The following SLC38A8 variants were observed in gnomAD, a reference collection of about 807,000 sequenced individuals.
SLC38A8 encodes solute carrier family 38 member 8.
SLC38A8 carries 65 observed loss-of-function variants against 46.0 expected under a neutral mutation model. That is an observed-to-expected ratio of 1.41 (90% CI 1.16 to 1.74). SLC38A8 has a LOEUF of 1.74. Ranked by LOEUF, SLC38A8 falls within the 40% of genes most tolerant of loss-of-function variation. The pLI is 0.00. For missense variants in SLC38A8, 998 were observed against 567.9 expected, an observed-to-expected ratio of 1.76 and a Z score of -7.70; for synonymous variants, 447 against 243.7, an observed-to-expected ratio of 1.83 and a Z score of -7.77.
At chr16:84,021,129 C>A (rs2085089874) in intron 7 of SLC38A8, among the ~76,000 whole-genome samples, 2 of 152,158 alleles carry the variant, frequency 1.3e-5, no homozygotes, top group Admixed American at 1.3e-4. Context: ...ATGGTGCGAT[C>A]TCAGCTCACT....
chr16:84,018,645 G>C (rs2085060019), intron 7 of SLC38A8, among the ~76,000 whole-genome samples: 1 of 152,130 alleles, frequency 6.6e-6, no homozygotes, highest in Non-Finnish European at 1.5e-5. Context: ...GCTGGACCTA[G>C]AAACTAAAAT....
chr16:84,014,235 C>G (rs775908158), intron 9 of SLC38A8, among the ~76,000 whole-genome samples: 15 of 151,456 alleles, frequency 9.9e-5, no homozygotes, highest in Non-Finnish European at 1.8e-4. Context: ...TCTGAAAGCT[C>G]CACCCTAAGC....
intron 10 of SLC38A8, among the ~76,000 whole-genome samples, chr16:84,011,048 C>G (rs923568882): frequency 6.6e-6 from 1 of 152,112 alleles, no homozygotes; most frequent in African/African-American, 2.4e-5. Context: ...TATTTGTGGC[C>G]CCATTAACAA....
intron 6 of SLC38A8, among the ~76,000 whole-genome samples, chr16:84,028,529 T>G (rs1053297716): frequency 1.2e-4 from 17 of 144,622 alleles, no homozygotes; most frequent in Admixed American, 4.2e-4. Context: ...TCCACTACAC[T>G]CCAGCCTGGG....
chr16:84,017,704 T>C (rs1414462268), intron 7 of SLC38A8, among the ~76,000 whole-genome samples: 1 of 152,174 alleles, frequency 6.6e-6, no homozygotes, highest in African/African-American at 2.4e-5. Context: ...CATCAACCAA[T>C]ACCTAGAATC....
intron 7 of SLC38A8, among the ~76,000 whole-genome samples, chr16:84,019,220 A>T (rs1456251806): frequency 1.3e-5 from 2 of 151,972 alleles, no homozygotes; most frequent in Non-Finnish European, 2.9e-5. Flanking sequence ...GATTACAGGC[A>T]CATGTCACCA....
At chr16:84,027,379 AC>A (rs1276435803) in intron 6 of SLC38A8, among the ~76,000 whole-genome samples, 52 of 150,602 alleles carry the variant, frequency 3.5e-4, no homozygotes, top group African/African-American at 1.1e-3. Flanking sequence ...AAACAAACAA[AC>A]AAACAAACAC....
At chr16:84,020,213 T>C (rs928645386) in intron 7 of SLC38A8, among the ~76,000 whole-genome samples, 2 of 150,590 alleles carry the variant, frequency 1.3e-5, no homozygotes, top group South Asian at 4.2e-4. Flanking sequence ...CAATCACAGC[T>C]CATTCCAGCC....
chr16:84,023,203 C>T (rs1287741547), intron 6 of SLC38A8, among the ~76,000 whole-genome samples: 2 of 152,056 alleles, frequency 1.3e-5, no homozygotes, highest in Non-Finnish European at 2.9e-5. Flanking sequence ...CCCCTTTCCC[C>T]TCTCTCCCTT....
rs1324658457 is a variant in SLC38A8 at position 84,017,221 on chromosome 16, T to C, written c.872A>G (p.Asn291Ser). The C allele has an allele frequency of 6.2e-6, 10 of 1,613,936 alleles. No homozygotes were observed. The South Asian group carries it at 6.6e-5, about 11-fold the overall frequency. ...CCGGGCCACAATGATGACCATATCA[T>C]TGCCTGGGTAGGACATCAAGACGTC... ...SADVLMSYPG[N>S]DMVIIVARVL... Residue 291 changes from asparagine to serine, a missense_variant, in exon 8 of 11, where the codon AAT becomes AGT. Coordinates refer to ENST00000299709, the MANE Select transcript of SLC38A8 (RefSeq NM_001080442.3).
chr16:84,022,882 T>C lies in SLC38A8; in HGVS notation c.698A>G (p.Glu233Gly), dbSNP rs2085112203. The change falls in exon 7 of 11, where the codon GAA (glutamate) becomes GGA (glycine). Residue 233 changes from glutamate (E) to glycine (G), a missense_variant. Glu to Gly is a moderately conservative substitution (Grantham distance 98). Coordinates refer to ENST00000299709, the MANE Select transcript of SLC38A8 (RefSeq NM_001080442.3). Reference sequence around the variant, plus strand: ...GCTGCAGTAGATGGAGACGGCAGCTTCGTGACACTGTAAGACAGAGGGCGG... The same window carrying C: ...GCTGCAGTAGATGGAGACGGCAGCTCCGTGACACTGTAAGACAGAGGGCGG... ...PTICFGFQCH[E>G]AAVSIYCSMR... The C allele has an allele frequency of 1.2e-6, 2 of 1,603,304 alleles. No individual in the cohort carries two copies. The highest frequency in any genetic ancestry group is 1.1e-5 in the South Asian group (1 of 89,300).
At chr16:84,020,866 C>T (rs574079870) in intron 7 of SLC38A8, among the ~76,000 whole-genome samples, 82 of 152,342 alleles carry the variant, frequency 5.4e-4, no homozygotes, top group African/African-American at 1.8e-3. Context: ...GTTTCCTATA[C>T]GCGCTGCACT....
chr16:84,009,963 GC>G, intron 10 of SLC38A8, 86 bp from the exon 11 acceptor site: 1 of 1,108,612 alleles, frequency 9.0e-7, no homozygotes, highest in Non-Finnish European at 1.3e-6. Context: ...ACTATGTAGA[GC>G]CCAGTATGGA....
intron 9 of SLC38A8, among the ~76,000 whole-genome samples, chr16:84,014,152 A>C (rs1307383929): frequency 6.9e-6 from 1 of 144,678 alleles, no homozygotes; most frequent in Non-Finnish European, 1.5e-5. Context: ...GGGAGGAGCT[A>C]TGTGGCCACA....
At chr16:84,032,063 T>C (rs1376429625) in intron 4 of SLC38A8, 95 bp from the exon 5 acceptor site, 5 of 1,090,684 alleles carry the variant, frequency 4.6e-6, no homozygotes, top group Non-Finnish European at 6.8e-6. Flanking sequence ...GCTCCGCCCT[T>C]GACAATGAGG....
chr16:84,029,462 G>A (rs777820438), intron 6 of SLC38A8, 32 bp downstream of exon 6: 19 of 1,611,514 alleles, frequency 1.2e-5, no homozygotes, highest in East Asian at 6.7e-5. Context: ...CTCTGCAAAC[G>A]CCACAGGCTG....
chr16:84,013,044 G>C lies in SLC38A8; in HGVS notation c.1171C>G (p.Leu391Val), dbSNP rs551460024. 9.9e-6 allele frequency: 16 copies of C among 1,614,102 alleles called. No individual in the cohort carries two copies. Among genetic ancestry groups the C allele is most frequent in the African/African-American group, 9.3e-5 (7 of 75,050 alleles). ...GGCTCGACACCCATTGCACAGATGA[G>C]GCACAAACCTGCAAAAAAGACAGGG... ...FFIFIFPGLC[L>V]ICAMGVEPIG... The change falls in exon 10 of 11, where the codon CTC becomes GTC. Residue 391 changes from leucine to valine, a missense_variant. Coordinates refer to ENST00000299709, the MANE Select transcript of SLC38A8 (RefSeq NM_001080442.3).
intron 6 of SLC38A8, among the ~76,000 whole-genome samples, chr16:84,024,426 G>C (rs927776198): frequency 3.9e-5 from 6 of 151,970 alleles, no homozygotes; most frequent in African/African-American, 1.2e-4. Context: ...CGACCCTCCT[G>C]CTTTGGCCTC....
intron 9 of SLC38A8, among the ~76,000 whole-genome samples, chr16:84,015,783 G>A (rs1199734696): frequency 6.6e-6 from 1 of 152,172 alleles, no homozygotes; most frequent in Non-Finnish European, 1.5e-5. Flanking sequence ...TTGGCTCCCT[G>A]CAACCTCCGC....
Sources: allele counts gnomAD v4.1 joint callset (sites outside exome capture counted in the v4.1 genomes callset), GRCh38; gene constraint gnomAD v4.1.1; transcripts MANE v1.5; gene names NCBI Gene and HGNC (gene_info 2026-07-23, HGNC 2026-07-21).